WDR17: variants seen among roughly 807,000 people sequenced by gnomAD.
The protein encoded by WDR17 is WD repeat domain 17, also known as WD repeat-containing protein 17.
A neutral mutation model predicts 161.7 loss-of-function variants in WDR17; 143 were observed. The observed-to-expected ratio is 0.88, with a 90% CI of 0.77 to 1.02. The LOEUF (loss-of-function observed/expected upper bound fraction) is 1.02, where lower values mean the gene tolerates loss of function less well. WDR17 is among the 50% of genes least tolerant of loss of function. WDR17 has a pLI of 0.00. For missense variants in WDR17, 1,469 were observed against 1,520.9 expected, an observed-to-expected ratio of 0.97 and a Z score of 0.57; for synonymous variants, 517 against 515.6, an observed-to-expected ratio of 1.00 and a Z score of -0.04.
intron 3 of WDR17, among the ~76,000 whole-genome samples, chr4:176,117,435 G>A (rs999339449): frequency 6.6e-6 from 1 of 151,854 alleles, no homozygotes; most frequent in South Asian, 2.1e-4. Context: ...AATGTTGCAC[G>A]ATATTATTGT....
chr4:176,083,032 T>G (rs750733420), intron 1 of WDR17, among the ~76,000 whole-genome samples: 3 of 152,286 alleles, frequency 2.0e-5, no homozygotes, highest in Non-Finnish European at 4.4e-5. Flanking sequence ...GTTTGATAGA[T>G]TTTCTTAGAA....
chr4:176,128,429 T>C (rs1742799665), intron 5 of WDR17, among the ~76,000 whole-genome samples: 3 of 152,120 alleles, frequency 2.0e-5, no homozygotes, highest in Admixed American at 2.0e-4. Context: ...AGAACAAGCA[T>C]ATGTCAATAG....
intron 3 of WDR17, among the ~76,000 whole-genome samples, chr4:176,119,466 T>C (rs1000962484): frequency 6.6e-6 from 1 of 152,156 alleles, no homozygotes; most frequent in Non-Finnish European, 1.5e-5. Flanking sequence ...CTAACACACA[T>C]TTAAAATTCT....
chr4:176,067,800 C>T (rs1732714576), intron 1 of WDR17, among the ~76,000 whole-genome samples: 1 of 152,034 alleles, frequency 6.6e-6, no homozygotes, highest in Admixed American at 6.6e-5. Flanking sequence ...AGGGACAGGG[C>T]CAGTGGCAGT....
intron 4 of WDR17, among the ~76,000 whole-genome samples, chr4:176,123,039 T>A (rs182798056): frequency 1.7e-3 from 258 of 152,224 alleles, no homozygotes; most frequent in African/African-American, 6.0e-3. Flanking sequence ...GGCAAAAAAA[T>A]TGGAAAACTG....
chr4:176,096,468 G>A, intron 1 of WDR17: 1 of 1,463,510 alleles, frequency 6.8e-7, no homozygotes, highest in Non-Finnish European at 9.4e-7. Flanking sequence ...TTTAGGTGCT[G>A]ACTATTCTGA....
In WDR17 at chr4:176,120,044, A is replaced by C; in HGVS notation, c.485A>C (p.Lys162Thr). The change falls in exon 4 of 29, where the codon AAG (lysine) becomes ACG (threonine). Residue 162 changes from lysine to threonine, a missense_variant. Physicochemically the swap from Lys to Thr is moderately conservative, Grantham distance 78. Coordinates refer to ENST00000508596, the MANE Select transcript of WDR17 (RefSeq NM_181265.4). ...ICMFRWHTHQ[K>T]GKVVFGHIDG... ...ATGTTCAGATGGCATACACACCAAA[A>C]GGGGAAAGTTGTGTTTGGTCATATT... 1.9e-6 allele frequency: 3 copies of C among 1,614,062 alleles called. No homozygotes were observed. The highest frequency in any genetic ancestry group is 1.6e-4 in the Middle Eastern group (1 of 6,062).
At chr4:176,118,044 T>C (rs1057225908) in intron 3 of WDR17, among the ~76,000 whole-genome samples, 1 of 152,098 alleles carries the variant, frequency 6.6e-6, no homozygotes, top group Non-Finnish European at 1.5e-5. Context: ...AATCTAACAA[T>C]CCATTTAAAT....
chr4:176,112,354 C>T (rs1739907923), intron 2 of WDR17, among the ~76,000 whole-genome samples: 1 of 152,116 alleles, frequency 6.6e-6, no homozygotes, highest in Admixed American at 6.5e-5. Context: ...TAGTTTGGCT[C>T]CTACTAATTT....
At position 176,179,448 on chromosome 4, in the gene WDR17, C is replaced by T; in HGVS notation, c.3733-12C>T. The T allele has an allele frequency of 6.6e-7, 1 of 1,518,088 alleles. No homozygotes were observed. Among genetic ancestry groups the T allele is most frequent in the East Asian group, 2.4e-5 (1 of 41,962 alleles). 94.0% of individuals were successfully genotyped at this position (1,518,088 alleles called of 1,614,324 possible). ...AATCTCATCTTCTCTTTCCTCAACT[C>T]TCACTGTGCAGGGCCCTGTGTTTTT... On this transcript the variant is annotated splice_polypyrimidine_tract_variant and intron_variant, in intron 28 of 28. Transcript: ENST00000508596.
rs375797999 is a variant in WDR17, at chr4:176,163,267, G to A, written c.2964G>A (p.Ala988=). Reference sequence around the variant, plus strand: ...CCCACTATGCCTTAGAATTACTGGCGAGAAAGTGCATGATGATTTCAGTAT... The same window carrying A: ...CCCACTATGCCTTAGAATTACTGGCAAGAAAGTGCATGATGATTTCAGTAT... The part of the protein sequence containing the change: ...PATHYALELL[A]RKCMMISVWN... Residue 988 remains alanine, a synonymous_variant, in exon 22 of 29, where the codon GCG becomes GCA. Transcript: ENST00000508596. 2.7e-5 allele frequency: 43 copies of A among 1,611,132 alleles called. 1 individual carries two copies. Among genetic ancestry groups the A allele is most frequent in the African/African-American group, 2.1e-4 (16 of 74,780 alleles).
intron 19 of WDR17, 60 bp downstream of exon 19, chr4:176,160,186 A>T: frequency 6.3e-7 from 1 of 1,588,648 alleles, no homozygotes; most frequent in East Asian, 2.2e-5. Context: ...AGAAGGGAGA[A>T]GGTTGTGTTG....
intron 22 of WDR17, among the ~76,000 whole-genome samples, chr4:176,167,872 C>G (rs963964395): frequency 6.6e-6 from 1 of 152,062 alleles, no homozygotes; most frequent in Admixed American, 6.5e-5. Context: ...ATAGGCCGGT[C>G]TCGGTGGCTC....
intron 1 of WDR17, among the ~76,000 whole-genome samples, chr4:176,082,531 C>G (rs1194148947): frequency 6.6e-6 from 1 of 152,006 alleles, no homozygotes; most frequent in Non-Finnish European, 1.5e-5. Flanking sequence ...ATTGAGACAT[C>G]TTCCAGTTCC....
At chr4:176,140,565 T>G (rs115413351) in intron 10 of WDR17, among the ~76,000 whole-genome samples, 2,866 of 152,298 alleles carry the variant, frequency 0.019, 30 homozygotes, top group Middle Eastern at 0.034. Context: ...AAAAAATGCC[T>G]GGTTTAAAAA....
At chr4:176,177,265 GATTTGTTTGGC>G (rs1751581403) in intron 27 of WDR17, 109 bp downstream of exon 27, 1 of 1,107,876 alleles carries the variant, frequency 9.0e-7, no homozygotes, top group South Asian at 1.4e-5. Flanking sequence ...AATGAATCTT[GATTTGTTTGGC>G]ATATATGCAG....
intron 1 of WDR17, among the ~76,000 whole-genome samples, chr4:176,086,811 T>G (rs1280589450): frequency 6.6e-6 from 1 of 151,710 alleles, no homozygotes; most frequent in African/African-American, 2.4e-5. Context: ...TACAAACTTT[T>G]TCTTATTTAC....
At position 176,091,235 on chromosome 4, in the gene WDR17, A is replaced by T. The variant is rs192034024; in HGVS notation, c.-6-20340A>T. 3.9e-5 allele frequency among the ~76,000 whole-genome samples: 6 copies of T among 152,316 alleles called. No homozygotes were observed. In the East Asian group the frequency reaches 1.2e-3, roughly 29 times the overall value. ...ACACATGCATCATTTATAAGAGGAG[A>T]CCATATGTTAGGTCACAAAATGTCT... On this transcript the variant is annotated intron_variant, in intron 1 of 28. Transcript: ENST00000508596.
At chr4:176,094,621 G>A (rs906954031) in intron 1 of WDR17, among the ~76,000 whole-genome samples, 19 of 152,298 alleles carry the variant, frequency 1.2e-4, no homozygotes, top group African/African-American at 4.6e-4. Flanking sequence ...GCAGAGAACA[G>A]TAAGTAAACT....
Sources: allele counts gnomAD v4.1 joint callset (sites outside exome capture counted in the v4.1 genomes callset), GRCh38; gene constraint gnomAD v4.1.1; transcripts MANE v1.5; gene names NCBI Gene and HGNC (gene_info 2026-07-23, HGNC 2026-07-21).